Variants in VPS11 observed in about 807,000 individuals in gnomAD.
VPS11 encodes the protein VPS11 core subunit of CORVET and HOPS complexes, also known as vacuolar protein sorting-associated protein 11 homolog.
A neutral mutation model predicts 106.8 loss-of-function variants in VPS11; 51 were observed. The ratio of observed to expected loss-of-function variants is 0.48; its 90% confidence interval spans 0.38 to 0.60. VPS11 has a LOEUF of 0.60. VPS11 is among the 20% of genes least tolerant of loss of function. The pLI is 0.00. For synonymous variants in VPS11, 453 were observed against 458.7 expected (o/e 0.99, Z 0.16); for missense variants, 950 against 1,190.0 (o/e 0.80, Z 2.97).
In VPS11 at chr11:119,071,709, C is replaced by G; in HGVS notation, c.750C>G (p.Ala250=). ...DPSQDLQFIV[A]GDECVYLYQP... ...CTCAGGACCTGCAGTTCATTGTGGC[C>G]GGGGATGAGTGTGTCTACTTGTACC... The change falls in exon 5 of 16, where the codon GCC becomes GCG. Residue 250 remains alanine, a synonymous_variant. Coordinates refer to ENST00000621676, the MANE Select transcript of VPS11 (RefSeq NM_021729.6). 3 of 1,614,002 alleles carry G rather than the reference C, an allele frequency of 1.9e-6. No homozygotes were observed. Among genetic ancestry groups the G allele is most frequent in the Non-Finnish European group, 2.5e-6 (3 of 1,179,908 alleles).
rs1945465103 is a variant in VPS11 at position 119,073,206 on chromosome 11, T to C, written c.893T>C (p.Phe298Ser). ...TTTTCTTTCCTATGCAGGTCAGAGT[T>C]TACCAGCAGGGATTCACAGAGCTCC... is the stretch of plus-strand genomic sequence containing the variant. ...RDRKVSPKSE[F>S]TSRDSQSSDK... The change falls in exon 6 of 16, where the codon TTT becomes TCT. Residue 298 changes from phenylalanine to serine, a missense_variant. Transcript: ENST00000621676. 6.2e-7 allele frequency: 1 copy of C among 1,612,782 alleles called. No individual in the cohort carries two copies.
At position 119,077,551 on chromosome 11, in the gene VPS11, C is replaced by T. The variant is rs782764744; in HGVS notation, c.1476C>T (p.Val492=). The T allele has an allele frequency of 1.7e-5, 28 of 1,614,022 alleles. No homozygotes were observed. The South Asian group carries it at 3.0e-4, about 17-fold the overall frequency. Residue 492 remains valine (V), a synonymous_variant, in exon 9 of 16, where the codon GTC becomes GTT. Transcript: ENST00000621676. ...TTGATGTGGAGACAGCCATCAAGGT[C>T]CTCCGGCAGGCTGGCTACTACTCCC... The part of the protein sequence containing the change: ...VHFDVETAIK[V]LRQAGYYSHA...
rs1233290486 is a variant in VPS11 at position 119,078,659 on chromosome 11, A to C, written c.2018A>C (p.His673Pro). ...FDKALVLCQM[H>P]DFQDGVLYLY... ...AAGGCCCTGGTCCTGTGCCAGATGC[A>C]CGACTTCCAGGATGGTGTCCTTTAC... The change falls in exon 12 of 16, where the codon CAC becomes CCC. Residue 673 changes from histidine to proline, a missense_variant. His to Pro is a moderately conservative substitution (Grantham distance 77). Around this residue, in one of 3 missense-constraint regions of VPS11, gnomAD observed 453 missense variants for 514.6 expected, o/e 0.88. Coordinates refer to ENST00000621676, the MANE Select transcript of VPS11 (RefSeq NM_021729.6). The C allele has an allele frequency of 1.2e-6, 2 of 1,613,504 alleles. No individual in the cohort carries two copies. The highest frequency in any genetic ancestry group is 1.7e-5 in the Admixed American group (1 of 59,938).
rs572702590 is a variant in VPS11 at position 119,081,544 on chromosome 11, C to A, written c.2747C>A (p.Pro916His). The A allele has an allele frequency of 8.7e-6, 14 of 1,614,030 alleles. No individual in the cohort carries two copies. In the African/African-American group the frequency reaches 1.6e-4, roughly 18 times the overall value. ...VFNKLTLLTD[P>H]PTARLTSSLE... Reference sequence around the variant, plus strand: ...AACAAATTGACTCTGCTGACCGACCCTCCCACAGCCAGACTGACCTCCAGC... The same window carrying A: ...AACAAATTGACTCTGCTGACCGACCATCCCACAGCCAGACTGACCTCCAGC... Residue 916 changes from proline to histidine, a missense_variant, in exon 16 of 16, where the codon CCT (proline) becomes CAT (histidine). Physicochemically the swap from Pro to His is moderately conservative, Grantham distance 77 (BLOSUM62 -2). Transcript: ENST00000621676.
chr11:119,076,219 G>A (rs1356103143), intron 7 of VPS11, among the ~76,000 whole-genome samples: 1 of 143,730 alleles, frequency 7.0e-6, no homozygotes, highest in Non-Finnish European at 1.5e-5. Context: ...GCGAAACTTC[G>A]TCTCAAAAAA....
At chr11:119,080,398 C>T (rs1362408437) in intron 14 of VPS11, among the ~76,000 whole-genome samples, 1 of 148,732 alleles carries the variant, frequency 6.7e-6, no homozygotes, top group Non-Finnish European at 1.5e-5. Flanking sequence ...GACGAAGTCT[C>T]GCTCTTGTCC....
In VPS11 at chr11:119,077,770, A is replaced by G. The variant is rs1945683791; in HGVS notation, c.1573-108A>G. 9 of 1,552,270 alleles carry G rather than the reference A, an allele frequency of 5.8e-6. No homozygotes were observed. In the South Asian group the frequency reaches 1.1e-4, roughly 19 times the overall value. On this transcript the variant is annotated intron_variant, in intron 9 of 15. Transcript: ENST00000621676. Reference sequence around the variant, plus strand: ...CCTCCTGAGTGGAGGTGAGACTCTCAACTTGGGCAGAGCCCTGTCGTTTTT... The same window carrying G: ...CCTCCTGAGTGGAGGTGAGACTCTCGACTTGGGCAGAGCCCTGTCGTTTTT...
At position 119,070,078 on chromosome 11, in the gene VPS11, A is replaced by G. The variant is rs185837616; in HGVS notation, c.473-156A>G. ...AGGCATTTAATTTTGTTCTTTGAAAATGTGTCAGTGAGTACCAATATTCAG... is the reference window on the plus strand; with the variant it reads ...AGGCATTTAATTTTGTTCTTTGAAAGTGTGTCAGTGAGTACCAATATTCAG... On this transcript the variant is annotated intron_variant, in intron 3 of 15. Coordinates refer to ENST00000621676, the MANE Select transcript of VPS11 (RefSeq NM_021729.6). Among the ~76,000 whole-genome samples the G allele has an allele frequency of 1.1e-4, 16 of 152,246 alleles. No individual in the cohort carries two copies. The East Asian group carries it at 3.1e-3, about 29-fold the overall frequency.
rs961467297 is a variant in VPS11 at position 119,073,327 on chromosome 11, C to A, written c.1014C>A (p.Gly338=). Residue 338 remains glycine, a synonymous_variant, in exon 6 of 16, where the codon GGC becomes GGA. Coordinates refer to ENST00000621676, the MANE Select transcript of VPS11 (RefSeq NM_021729.6). ...EDVVDVLAEW[G]SLYVLTRDGR... ...TAGTGGATGTGCTTGCTGAGTGGGG[C>A]TCCCTGTACGTGCTGACGCGGGATG... 1.9e-6 allele frequency: 3 copies of A among 1,613,880 alleles called. No individual in the cohort carries two copies. In the African/African-American group the frequency reaches 4.0e-5, roughly 22 times the overall value.
chr11:119,077,545 C>T lies in VPS11; in HGVS notation c.1470C>T (p.Ile490=). The T allele has an allele frequency of 6.2e-7, 1 of 1,614,062 alleles. No individual in the cohort carries two copies. The highest frequency in any genetic ancestry group is 8.5e-7 in the Non-Finnish European group (1 of 1,179,896). The change falls in exon 9 of 16, where the codon ATC becomes ATT. Residue 490 remains isoleucine (I), a synonymous_variant. Coordinates refer to ENST00000621676, the MANE Select transcript of VPS11 (RefSeq NM_021729.6). The part of the protein sequence containing the change: ...SEVHFDVETA[I]KVLRQAGYYS... ...TCCACTTTGATGTGGAGACAGCCAT[C>T]AAGGTCCTCCGGCAGGCTGGCTACT...
At chr11:119,069,834 A>C (rs900715341) in intron 3 of VPS11, among the ~76,000 whole-genome samples, 1 of 151,978 alleles carries the variant, frequency 6.6e-6, no homozygotes, top group Non-Finnish European at 1.5e-5. Context: ...CCCCATCTCT[A>C]CTAAAAATAC....
At chr11:119,076,582 TACA>T (rs1003468896) in intron 7 of VPS11, among the ~76,000 whole-genome samples, 13 of 151,674 alleles carry the variant, frequency 8.6e-5, no homozygotes, top group Non-Finnish European at 1.9e-4. Context: ...AGAACAAAAA[TACA>T]ACAATAAAAC....
Position 119,078,319 on chromosome 11 carries a change from C to T in VPS11, c.1908C>T (p.His636=), listed in dbSNP as rs782482649. 1.6e-5 allele frequency: 25 copies of T among 1,611,026 alleles called. 1 individual carries two copies. Among genetic ancestry groups the T allele is most frequent in the Middle Eastern group, 3.3e-4 (2 of 6,072 alleles). ...AGCTGCGACTGCAGAACTGGGCCCA[C>T]GAGAAGGATCCACAGGTGAGGCCTG... ...LLELRLQNWA[H]EKDPQVKEKL... Residue 636 remains histidine (H), a synonymous_variant, in exon 11 of 16, where the codon CAC becomes CAT. Transcript: ENST00000621676.
In VPS11 at chr11:119,067,888, T is replaced by C. The variant is rs2133639468; in HGVS notation, c.65T>C (p.Leu22Pro). 5.0e-6 allele frequency: 8 copies of C among 1,590,186 alleles called. No homozygotes were observed. In the Admixed American group the frequency reaches 9.0e-5, roughly 18 times the overall value. ...GACAAGGAGCTGGTGAAGGAGCCGC[T>C]GAGCAATGATGGGGCCGCTCCCGGG... is the stretch of plus-strand genomic sequence containing the variant. ...FFDKELVKEP[L>P]SNDGAAPGAT... The change falls in exon 1 of 16, where the codon CTG (leucine) becomes CCG (proline). Residue 22 changes from leucine (L) to proline (P), a missense_variant. Around this residue, in one of 3 missense-constraint regions of VPS11, gnomAD observed 62 missense variants for 45.1 expected, o/e 1.37. Coordinates refer to ENST00000621676, the MANE Select transcript of VPS11 (RefSeq NM_021729.6).
intron 6 of VPS11, 29 bp from the exon 7 acceptor site, chr11:119,073,771 C>T (rs564850739): frequency 6.3e-7 from 1 of 1,594,014 alleles, no homozygotes; most frequent in South Asian, 1.1e-5. Flanking sequence ...ACCACTTCTA[C>T]CAATTTTCTA....
chr11:119,071,225 G>A (rs1045186351), intron 4 of VPS11, among the ~76,000 whole-genome samples: 8 of 151,988 alleles, frequency 5.3e-5, no homozygotes, highest in South Asian at 2.1e-4. Context: ...CCACTGCACC[G>A]GCCTATTTTC....
At chr11:119,080,057 A>G (rs1945792035) in intron 14 of VPS11, among the ~76,000 whole-genome samples, 1 of 152,068 alleles carries the variant, frequency 6.6e-6, no homozygotes, top group African/African-American at 2.4e-5. Flanking sequence ...TTAAATAGGC[A>G]AACTTTTTTT....
In VPS11 at chr11:119,071,694, G is replaced by A. The variant is rs782815642; in HGVS notation, c.735G>A (p.Leu245=). Residue 245 remains leucine (L), a synonymous_variant, in exon 5 of 16, where the codon CTG becomes CTA. Coordinates refer to ENST00000621676, the MANE Select transcript of VPS11 (RefSeq NM_021729.6). ...CSALSDPSQD[L]QFIVAGDECV... ...CCCTAAGTGACCCTTCTCAGGACCT[G>A]CAGTTCATTGTGGCCGGGGATGAGT... The A allele has an allele frequency of 2.5e-6, 4 of 1,614,028 alleles. No homozygotes were observed. The highest frequency in any genetic ancestry group is 2.5e-6 in the Non-Finnish European group (3 of 1,179,892).
chr11:119,073,198 G>A lies in VPS11; in HGVS notation c.885G>A (p.Lys295=), dbSNP rs1436968928. 3 of 1,611,768 alleles carry A rather than the reference G, an allele frequency of 1.9e-6. No homozygotes were observed. The highest frequency in any genetic ancestry group is 1.1e-5 in the South Asian group (1 of 90,606). ...CTGGTGCTTTTTCTTTCCTATGCAG[G>A]TCAGAGTTTACCAGCAGGGATTCAC... ...IVSRDRKVSP[K]SEFTSRDSQS... The change falls in exon 6 of 16, where the codon AAG becomes AAA. Residue 295 remains lysine (K), a splice_region_variant and synonymous_variant. Transcript: ENST00000621676.
Sources: allele counts gnomAD v4.1 joint callset (sites outside exome capture counted in the v4.1 genomes callset), GRCh38; gene constraint gnomAD v4.1.1; regional missense constraint gnomAD v4.1.1; transcripts MANE v1.5; gene names NCBI Gene and HGNC (gene_info 2026-07-23, HGNC 2026-07-21).